The following CRYBG1 variants were observed in gnomAD, a reference collection of about 807,000 sequenced individuals.
CRYBG1 encodes crystallin beta-gamma domain containing 1.
CRYBG1 carries 139 observed loss-of-function variants against 189.2 expected under a neutral mutation model. The ratio of observed to expected loss-of-function variants is 0.73; its 90% CI spans 0.64 to 0.85. The LOEUF is 0.85. Ranked by LOEUF, CRYBG1 falls within the 40% of genes least tolerant of loss-of-function variation. CRYBG1 has a pLI of 0.00. For synonymous variants in CRYBG1, 1,023 were observed against 1,017.1 expected (o/e 1.01, Z -0.11); for missense variants, 2,611 against 2,675.8 (o/e 0.98, Z 0.53).
chr6:106,554,376 A>G lies in CRYBG1; in HGVS notation c.5585+809A>G, dbSNP rs139129424. ...TGCCTGTAATCCCAACACTTAGGGA[A>G]GCCAAGGCAGGCAGATCACTTGAGG... On this transcript the variant is annotated intron_variant, in intron 16 of 21. Coordinates refer to ENST00000633556, the MANE Select transcript of CRYBG1 (RefSeq NM_001371242.2). Among the ~76,000 whole-genome samples the G allele has an allele frequency of 9.1e-4, 139 of 152,286 alleles. 2 individuals carry two copies. The highest frequency in any genetic ancestry group is 3.2e-3 in the African/African-American group (134 of 41,570).
At chr6:106,419,988 A>G (rs1290798710) in intron 1 of CRYBG1, among the ~76,000 whole-genome samples, 2 of 152,232 alleles carry the variant, frequency 1.3e-5, no homozygotes, top group Non-Finnish European at 2.9e-5. Context: ...GGTCTTCCTG[A>G]ATCTAGCAGA....
chr6:106,561,565 T>C, intron 20 of CRYBG1, 65 bp downstream of exon 20: 1 of 1,532,432 alleles, frequency 6.5e-7, no homozygotes, highest in Non-Finnish European at 8.8e-7. Context: ...TCCTTTCATA[T>C]GCTTTTGATC....
chr6:106,428,736 A>G (rs1364462594), intron 1 of CRYBG1, among the ~76,000 whole-genome samples: 4 of 152,194 alleles, frequency 2.6e-5, no homozygotes, highest in Admixed American at 6.5e-5. Flanking sequence ...TACTCTAGGA[A>G]CACAAAGAAA....
chr6:106,506,205 A>C (rs1773129111), intron 2 of CRYBG1, among the ~76,000 whole-genome samples: 1 of 151,870 alleles, frequency 6.6e-6, no homozygotes, highest in Admixed American at 6.6e-5. Context: ...AGCATTGACA[A>C]CTCCTTTTTT....
At chr6:106,489,473 A>G (rs965322025) in intron 2 of CRYBG1, among the ~76,000 whole-genome samples, 4 of 152,064 alleles carry the variant, frequency 2.6e-5, no homozygotes, top group African/African-American at 9.7e-5. Context: ...AAGTCTTTAT[A>G]TAATATATAG....
rs1416760243 is a variant in CRYBG1 at position 106,565,210 on chromosome 6, A to G, written c.6301+1284A>G. ...GTGGTGGGCGCCTGTAGTCCCAGCT[A>G]TTTGGGAGGCTGAGGCAGGAGAATC... On this transcript the variant is annotated intron_variant, in intron 21 of 21. Transcript: ENST00000633556. 2.6e-5 allele frequency among the ~76,000 whole-genome samples: 4 copies of G among 151,976 alleles called. 1 individual carries two copies. The East Asian group carries it at 7.7e-4, about 29-fold the overall frequency.
Position 106,519,273 on chromosome 6 carries a change from A to G in CRYBG1, c.2065A>G (p.Thr689Ala). ...TKISLFENKRTNSSPRHTDIR... is the reference protein window; with the variant it reads ...TKISLFENKRANSSPRHTDIR... Reference sequence around the variant, plus strand: ...AATCTCCTTATTTGAAAACAAACGGACAAACAGTAGCCCAAGACACACTGA... The same window carrying G: ...AATCTCCTTATTTGAAAACAAACGGGCAAACAGTAGCCCAAGACACACTGA... The change falls in exon 4 of 22, where the codon ACA becomes GCA. Residue 689 changes from threonine to alanine, a missense_variant. This residue lies in a region of CRYBG1 where 1,622 missense variants were observed against 1,735.0 expected (regional missense o/e 0.93). Transcript: ENST00000633556. The G allele has an allele frequency of 3.7e-6, 6 of 1,614,176 alleles. No homozygotes were observed. The highest frequency in any genetic ancestry group is 5.1e-6 in the Non-Finnish European group (6 of 1,180,024).
chr6:106,498,914 C>T (rs1273108598), intron 2 of CRYBG1, among the ~76,000 whole-genome samples: 1 of 151,626 alleles, frequency 6.6e-6, no homozygotes, highest in Non-Finnish European at 1.5e-5. Flanking sequence ...TTTATTGGCA[C>T]GAACTCAGTG....
chr6:106,538,093 G>A (rs926747695), intron 8 of CRYBG1, among the ~76,000 whole-genome samples: 6 of 152,072 alleles, frequency 3.9e-5, no homozygotes, highest in Admixed American at 1.3e-4. Flanking sequence ...GGAGTACCAC[G>A]GCTAAAACAT....
At chr6:106,481,816 C>T (rs1169269152) in intron 2 of CRYBG1, among the ~76,000 whole-genome samples, 1 of 151,944 alleles carries the variant, frequency 6.6e-6, no homozygotes, top group Middle Eastern at 3.2e-3. Flanking sequence ...CTCTCTGTAC[C>T]TGTCCTGGGA....
intron 2 of CRYBG1, among the ~76,000 whole-genome samples, chr6:106,486,042 A>G (rs1170310796): frequency 1.3e-5 from 2 of 152,062 alleles, no homozygotes; most frequent in East Asian, 3.8e-4. Context: ...ACTGGGGTAC[A>G]TGGTTAGGTT....
intron 2 of CRYBG1, among the ~76,000 whole-genome samples, chr6:106,478,951 T>C (rs939410411): frequency 1.3e-5 from 2 of 152,194 alleles, no homozygotes; most frequent in Non-Finnish European, 2.9e-5. Flanking sequence ...GAAAAGAAAC[T>C]CAGGGCTTCC....
In CRYBG1 at chr6:106,530,302, G is replaced by T. The variant is rs2114554989; in HGVS notation, c.4705G>T (p.Val1569Leu). Reference protein sequence around the residue: ...GVMQKTCSMKVHWGTWLIYEE... With the variant: ...GVMQKTCSMKLHWGTWLIYEE... ...AATGCAGAAGACTTGTTCCATGAAA[G>T]TACATTGGGGCACGTAAGTATTTTT... Residue 1569 changes from valine to leucine, a missense_variant, in exon 8 of 22, where the codon GTA (valine) becomes TTA (leucine). Around this residue, in one of 3 missense-constraint regions of CRYBG1, gnomAD observed 1,622 missense variants for 1,735.0 expected, o/e 0.93. Coordinates refer to ENST00000633556, the MANE Select transcript of CRYBG1 (RefSeq NM_001371242.2). The T allele has an allele frequency of 6.2e-7, 1 of 1,606,384 alleles. No individual in the cohort carries two copies. Among genetic ancestry groups the T allele is most frequent in the East Asian group, 2.2e-5 (1 of 44,776 alleles).
chr6:106,442,121 A>T (rs940753121), intron 1 of CRYBG1, among the ~76,000 whole-genome samples: 1 of 152,324 alleles, frequency 6.6e-6, no homozygotes, highest in South Asian at 2.1e-4. Flanking sequence ...ATGATCTATA[A>T]GAAAAGTAGG....
At chr6:106,487,773 A>C (rs141132738) in intron 2 of CRYBG1, among the ~76,000 whole-genome samples, 22 of 152,178 alleles carry the variant, frequency 1.4e-4, no homozygotes, top group Non-Finnish European at 2.4e-4. Flanking sequence ...CCTTAAGATC[A>C]TCATTTTGAA....
At chr6:106,516,042 C>T (rs560913282) in intron 3 of CRYBG1, among the ~76,000 whole-genome samples, 229 of 152,002 alleles carry the variant, frequency 1.5e-3, no homozygotes, top group African/African-American at 5.4e-3. Context: ...CCACCTGCCT[C>T]GGCCTCCCAA....
intron 2 of CRYBG1, among the ~76,000 whole-genome samples, chr6:106,487,565 GTTTA>G (rs1772620034): frequency 1.3e-5 from 2 of 151,984 alleles, no homozygotes; most frequent in South Asian, 2.1e-4. Context: ...TTTTATTTTT[GTTTA>G]TTTATTCCTC....
intron 2 of CRYBG1, among the ~76,000 whole-genome samples, chr6:106,508,103 C>T (rs1183964144): frequency 1.3e-5 from 2 of 152,178 alleles, no homozygotes; most frequent in Non-Finnish European, 2.9e-5. Context: ...ATTAGCTGGG[C>T]ATGGTGGCAC....
chr6:106,417,925 G>A (rs1771055877), intron 1 of CRYBG1, among the ~76,000 whole-genome samples: 1 of 152,254 alleles, frequency 6.6e-6, no homozygotes, highest in Non-Finnish European at 1.5e-5. Flanking sequence ...TCAATGGATG[G>A]CAGTGTGTTG....
Sources: gnomAD v4.1 joint callset for allele counts (sites outside exome capture counted in the v4.1 genomes callset) on GRCh38, gnomAD v4.1.1 for gene constraint, gnomAD v4.1.1 regional missense constraint, MANE v1.5 for transcripts, NCBI Gene and HGNC (gene_info 2026-07-23, HGNC 2026-07-21) for gene names.